Variants in ANO4 observed in about 807,000 individuals in gnomAD.
ANO4 encodes anoctamin-4.
ANO4 carries 69 observed loss-of-function variants against 141.9 expected under a neutral mutation model. The observed-to-expected ratio is 0.49, with a 90% CI of 0.40 to 0.59. The LOEUF (loss-of-function observed/expected upper bound fraction) is 0.59, where lower values mean the gene tolerates loss of function less well. Ranked by LOEUF, ANO4 falls within the 20% of genes least tolerant of loss-of-function variation. The probability of loss-of-function intolerance (pLI) is 0.00; values close to 1 mark genes in which losing one functional copy is unlikely to be tolerated. For synonymous variants in ANO4, 350 were observed against 394.3 expected (o/e 0.89, Z 1.33); for missense variants, 894 against 1,162.2 (o/e 0.77, Z 3.36).
chr12:100,897,138 C>A (rs529965015), intron 1 of ANO4, among the ~76,000 whole-genome samples: 11 of 152,216 alleles, frequency 7.2e-5, no homozygotes, highest in African/African-American at 2.4e-4. Flanking sequence ...TCCCAAGGTT[C>A]TGACTTTGGG....
intron 22 of ANO4, among the ~76,000 whole-genome samples, chr12:101,109,291 G>A (rs777032605): frequency 3.0e-4 from 46 of 152,220 alleles, no homozygotes; most frequent in Admixed American, 1.0e-3. Context: ...GGCTGGGCAC[G>A]GTGACTCACA....
chr12:100,785,317 AT>A (rs1044770186), intron 3 of ANO4, among the ~76,000 whole-genome samples: 15 of 152,110 alleles, frequency 9.9e-5, no homozygotes, highest in African/African-American at 2.9e-4. Context: ...GTTTGGACAA[AT>A]TTATAAAGAC....
chr12:101,006,186 C>G (rs2045864422), intron 8 of ANO4, among the ~76,000 whole-genome samples: 1 of 152,134 alleles, frequency 6.6e-6, no homozygotes, highest in African/African-American at 2.4e-5. Context: ...GCAACATGCT[C>G]CCTCATGTTT....
At chr12:100,801,630 C>T (rs2034696685) in intron 1 of ANO4, among the ~76,000 whole-genome samples, 1 of 150,508 alleles carries the variant, frequency 6.6e-6, no homozygotes, top group Admixed American at 6.7e-5. Flanking sequence ...CAGCTGTATA[C>T]TTGCAGATAA....
At chr12:100,718,167 A>G (rs770776948) in intron 1 of ANO4, among the ~76,000 whole-genome samples, 1 of 152,216 alleles carries the variant, frequency 6.6e-6, no homozygotes, top group Non-Finnish European at 1.5e-5. Context: ...ACATATATAC[A>G]TGTGTGGTAT....
intron 3 of ANO4, among the ~76,000 whole-genome samples, chr12:100,750,174 A>T (rs1021760909): frequency 4.6e-5 from 7 of 151,068 alleles, no homozygotes; most frequent in African/African-American, 1.7e-4. Flanking sequence ...TCACTCCATC[A>T]TCCAGGCTGT....
intron 3 of ANO4, among the ~76,000 whole-genome samples, chr12:100,923,170 G>A (rs903380580): frequency 9.2e-5 from 14 of 151,860 alleles, no homozygotes; most frequent in Non-Finnish European, 1.8e-4. Context: ...AAGTTCTAGG[G>A]TACGTGTGAA....
intron 5 of ANO4, among the ~76,000 whole-genome samples, chr12:100,945,117 A>G (rs2136187550): frequency 6.6e-6 from 1 of 152,320 alleles, no homozygotes; most frequent in South Asian, 2.1e-4. Flanking sequence ...AATTATTAGT[A>G]TCTTCTTAAT....
intron 5 of ANO4, among the ~76,000 whole-genome samples, chr12:100,966,964 G>A (rs898428031): frequency 6.6e-6 from 1 of 151,594 alleles, no homozygotes; most frequent in African/African-American, 2.4e-5. Flanking sequence ...TTAGATAGTG[G>A]CATGGCATTT....
chr12:101,028,059 C>A lies in ANO4; in HGVS notation c.841+7919C>A, dbSNP rs543441687. Among the ~76,000 whole-genome samples the A allele has an allele frequency of 2.0e-3, 303 of 152,168 alleles. 3 individuals are homozygous for A. Among genetic ancestry groups the A allele is most frequent in the African/African-American group, 7.0e-3 (290 of 41,508 alleles). On this transcript the variant is annotated intron_variant, in intron 9 of 27. Coordinates refer to ENST00000392977, the MANE Select transcript of ANO4 (RefSeq NM_001286615.2). ...ATAAATAGGGCCTAAAGTGAACCCC[C>A]AGCAAACCACAGCAGCCCTACAGAG...
At chr12:101,066,665 CCT>C in intron 14 of ANO4, 1 of 621,414 alleles carries the variant, frequency 1.6e-6, no homozygotes, top group Admixed American at 2.4e-5. Context: ...CCATCATGGC[CCT>C]GCGGTCGGCG....
Position 100,901,690 on chromosome 12 carries a change from C to T in ANO4, c.-96C>T. 1.9e-6 allele frequency: 2 copies of T among 1,067,532 alleles called. No individual in the cohort carries two copies. The highest frequency in any genetic ancestry group is 2.0e-4 in the Middle Eastern group (1 of 4,994). 66.1% of individuals were successfully genotyped at this position (1,067,532 alleles called of 1,614,324 possible). On this transcript the variant is annotated 5_prime_UTR_variant, in exon 2 of 28. Coordinates refer to ENST00000392977, the MANE Select transcript of ANO4 (RefSeq NM_001286615.2). Reference sequence around the variant, plus strand: ...TGGGGCTGAAAAGCGTTTGCAAATCCATCAACGGCGAAGTGTGGCAAGCCG... The same window carrying T: ...TGGGGCTGAAAAGCGTTTGCAAATCTATCAACGGCGAAGTGTGGCAAGCCG...
chr12:100,892,555 G>A (rs1402350853), intron 1 of ANO4, among the ~76,000 whole-genome samples: 1 of 152,150 alleles, frequency 6.6e-6, no homozygotes, highest in African/African-American at 2.4e-5. Flanking sequence ...GGTATCCCTA[G>A]AAAGATTAGT....
intron 1 of ANO4, among the ~76,000 whole-genome samples, chr12:100,850,738 C>T (rs1048163742): frequency 2.0e-5 from 3 of 152,020 alleles, no homozygotes; most frequent in African/African-American, 7.2e-5. Context: ...GAAAATGTTT[C>T]TACCTTTATC....
intron 14 of ANO4, among the ~76,000 whole-genome samples, chr12:101,074,066 G>T (rs1005161735): frequency 1.3e-5 from 2 of 152,112 alleles, no homozygotes; most frequent in Admixed American, 6.6e-5. Flanking sequence ...TAGACAGGTT[G>T]TTTCATCTTC....
chr12:100,939,757 A>T (rs1346746800), intron 4 of ANO4, among the ~76,000 whole-genome samples: 3 of 152,268 alleles, frequency 2.0e-5, no homozygotes, highest in African/African-American at 7.2e-5. Flanking sequence ...CTTTACAGGG[A>T]TGGGCTTCCT....
intron 3 of ANO4, among the ~76,000 whole-genome samples, chr12:100,766,648 T>C (rs1442967578): frequency 6.6e-6 from 1 of 152,188 alleles, no homozygotes; most frequent in Non-Finnish European, 1.5e-5. Context: ...AGACTTACTT[T>C]ATGGCCTAAT....
At chr12:100,825,221 T>C (rs901058619) in intron 1 of ANO4, among the ~76,000 whole-genome samples, 3 of 152,022 alleles carry the variant, frequency 2.0e-5, no homozygotes, top group Non-Finnish European at 2.9e-5. Context: ...TAATAATTAG[T>C]TTGACAATCT....
chr12:100,941,445 T>C (rs1203293862), intron 4 of ANO4, among the ~76,000 whole-genome samples: 5 of 152,218 alleles, frequency 3.3e-5, no homozygotes, highest in Non-Finnish European at 7.4e-5. Flanking sequence ...TATGAAGTCT[T>C]CTGAGACTTG....
Sources: gnomAD v4.1 joint callset for allele counts (sites outside exome capture counted in the v4.1 genomes callset) on GRCh38, gnomAD v4.1.1 for gene constraint, MANE v1.5 for transcripts, NCBI Gene and HGNC (gene_info 2026-07-23, HGNC 2026-07-21) for gene names.